SMG1: variants seen among roughly 807,000 people sequenced by gnomAD.
SMG1 encodes the protein SMG1 nonsense mediated mRNA decay associated PI3K related kinase.
Under a neutral mutation model 419.9 loss-of-function variants are expected in SMG1, and 22 were observed. The observed-to-expected ratio is 0.05, with a 90% CI of 0.04 to 0.07. SMG1 has a LOEUF of 0.07. Ranked by LOEUF, SMG1 falls within the 10% of genes least tolerant of loss-of-function variation. The probability of loss-of-function intolerance (pLI) is 1.00; values close to 1 mark genes in which losing one functional copy is unlikely to be tolerated. For missense variants in SMG1, 3,185 were observed against 4,342.0 expected (o/e 0.73, Z 7.49); for synonymous variants, 1,538 against 1,553.5 (o/e 0.99, Z 0.23).
chr16:18,829,569 C>T lies in SMG1; in HGVS notation c.9320G>A (p.Cys3107Tyr). 1.9e-6 allele frequency: 3 copies of T among 1,614,046 alleles called. No homozygotes were observed. Among genetic ancestry groups the T allele is most frequent in the East Asian group, 2.2e-5 (1 of 44,890 alleles). Residue 3107 changes from cysteine to tyrosine, a missense_variant, in exon 54 of 63, where the codon TGC becomes TAC. Around this residue, in one of 27 missense-constraint regions of SMG1, gnomAD observed 737 missense variants for 846.6 expected, o/e 0.87. Transcript: ENST00000446231. ...LPNQALGLTL[C>Y]SFISALGVDI... Reference sequence around the variant, plus strand: ...TACACCCAGAGCACTGATAAAACTGCACAGTGTGAGTCCGAGGGCTTGGTT... The same window carrying T: ...TACACCCAGAGCACTGATAAAACTGTACAGTGTGAGTCCGAGGGCTTGGTT...
At chr16:18,832,291 C>T (rs1345694753) in intron 51 of SMG1, among the ~76,000 whole-genome samples, 2 of 152,212 alleles carry the variant, frequency 1.3e-5, no homozygotes, top group Admixed American at 6.5e-5. Flanking sequence ...TGCATGTCTG[C>T]AGGAACTGCC....
intron 1 of SMG1, among the ~76,000 whole-genome samples, chr16:18,907,284 A>C (rs931726165): frequency 3.3e-5 from 5 of 152,130 alleles, no homozygotes; most frequent in African/African-American, 1.2e-4. Flanking sequence ...CCATCTCAAA[A>C]AAAAAAAAAT....
chr16:18,903,496 T>A (rs1279371740), intron 1 of SMG1, among the ~76,000 whole-genome samples: 3 of 152,186 alleles, frequency 2.0e-5, no homozygotes, highest in African/African-American at 7.2e-5. Flanking sequence ...CCACTACCAG[T>A]GGATGACCTT....
chr16:18,900,172 A>G (rs1185482578), intron 1 of SMG1: 1 of 533,352 alleles, frequency 1.9e-6, no homozygotes, highest in Non-Finnish European at 3.3e-6. Flanking sequence ...GGGTTCATAC[A>G]TTAAAGCAAA....
At position 18,851,324 on chromosome 16, in the gene SMG1, G is replaced by C. The variant is rs534404847; in HGVS notation, c.5052+743C>G. ...ACGGAACTCTGAAGGGAGAGAGTGT[G>C]AATTATACAGATCATCTAGTCCATT... is the stretch of plus-strand genomic sequence containing the variant. On this transcript the variant is annotated intron_variant, in intron 33 of 62. Transcript: ENST00000446231. Among the ~76,000 whole-genome samples, 19 of 152,318 alleles carry C rather than the reference G, an allele frequency of 1.2e-4. No homozygotes were observed. The South Asian group carries it at 1.7e-3, about 13-fold the overall frequency.
intron 1 of SMG1, chr16:18,925,466 G>A (rs2142054520): frequency 6.5e-6 from 1 of 154,290 alleles, no homozygotes; most frequent in East Asian, 1.9e-4. Context: ...GCCTTAGCTG[G>A]AGTTTTGTTT....
chr16:18,916,711 G>T (rs903346419), intron 1 of SMG1, among the ~76,000 whole-genome samples: 4 of 151,798 alleles, frequency 2.6e-5, no homozygotes, highest in African/African-American at 9.7e-5. Flanking sequence ...TATACAAGGG[G>T]AAGTATGTTT....
Position 18,868,372 on chromosome 16 carries a change from G to C in SMG1, c.3031-18C>G. The stretch of plus-strand genomic sequence containing the variant: ...CTAATGACCTTTACGATAAGAGAAA[G>C]AAAAGCTCAGGACTGGTTCAATTTG... On this transcript the variant is annotated intron_variant, in intron 21 of 62. Coordinates refer to ENST00000446231, the MANE Select transcript of SMG1 (RefSeq NM_015092.5). 1 of 1,183,180 alleles carries C rather than the reference G, an allele frequency of 8.5e-7. No homozygotes were observed. Among genetic ancestry groups the C allele is most frequent in the South Asian group, 1.3e-5 (1 of 74,996 alleles). The allele number at this position is 1,183,180 out of a possible 1,614,324, so 73.3% of individuals were successfully genotyped here. A position where few individuals can be genotyped will look rare whatever the true frequency, so the allele number is the denominator to read the frequency against.
chr16:18,821,221 C>CTTTTTTTTTTTTTTTTTTTTT (rs869238782), intron 55 of SMG1, among the ~76,000 whole-genome samples: 48 of 35,594 alleles, frequency 1.3e-3, no homozygotes, highest in East Asian at 3.0e-3. Flanking sequence ...TAGTATGTTT[C>CTTTTTTTTTTTTTTTTTTTTT]TTTTTTTTTT....
At chr16:18,853,148 C>T (rs1243138561) in intron 31 of SMG1, among the ~76,000 whole-genome samples, 2 of 152,222 alleles carry the variant, frequency 1.3e-5, no homozygotes, top group Non-Finnish European at 2.9e-5. Flanking sequence ...ACAACAGGCA[C>T]TCAAACATGG....
chr16:18,845,486 T>C lies in SMG1; in HGVS notation c.6162A>G (p.Lys2054=), dbSNP rs181451781. Residue 2054 remains lysine (K), a synonymous_variant, in exon 39 of 63, where the codon AAA becomes AAG. Coordinates refer to ENST00000446231, the MANE Select transcript of SMG1 (RefSeq NM_015092.5). ...YGDAIENALE[K]LKTPLNPAKP... Reference sequence around the variant, plus strand: ...TTGCAGGGTTCAATGGAGTCTTCAGTTTTTCTAGGGCATTTTCAATGGCAT... The same window carrying C: ...TTGCAGGGTTCAATGGAGTCTTCAGCTTTTCTAGGGCATTTTCAATGGCAT... The C allele has an allele frequency of 3.3e-5, 53 of 1,613,960 alleles. 1 individual carries two copies. In the Admixed American group the frequency reaches 8.8e-4, roughly 27 times the overall value.
chr16:18,884,529 ATC>A (rs1017573770), intron 8 of SMG1, among the ~76,000 whole-genome samples: 11 of 152,178 alleles, frequency 7.2e-5, no homozygotes, highest in Non-Finnish European at 5.9e-5. Flanking sequence ...GTGTATACTC[ATC>A]TCCTCAGTGA....
intron 45 of SMG1, 108 bp from the exon 46 acceptor site, chr16:18,837,551 A>G: frequency 1.1e-6 from 1 of 939,016 alleles, no homozygotes. Flanking sequence ...ACAAAACCCG[A>G]AAGGGGTGAT....
At chr16:18,819,368 T>TC in intron 56 of SMG1, 134 bp downstream of exon 56, 2 of 867,784 alleles carry the variant, frequency 2.3e-6, no homozygotes, top group Non-Finnish European at 3.5e-6. Context: ...GAAAGGCCCA[T>TC]CCGTCCCTCC....
chr16:18,879,009 CAA>C, intron 11 of SMG1: 1 of 200,196 alleles, frequency 5.0e-6, no homozygotes, highest in Non-Finnish European at 1.0e-5. Context: ...GACCCTGTCT[CAA>C]AAAAAAATTG....
At chr16:18,887,408 T>C (rs1449107783) in intron 6 of SMG1, among the ~76,000 whole-genome samples, 3 of 151,718 alleles carry the variant, frequency 2.0e-5, no homozygotes, top group Non-Finnish European at 2.9e-5. Flanking sequence ...AGCTTGACCA[T>C]AGCTCACTGT....
intron 24 of SMG1, 43 bp downstream of exon 24, chr16:18,863,959 A>T: frequency 6.4e-7 from 1 of 1,552,234 alleles, no homozygotes. Flanking sequence ...TACGAAATAT[A>T]TTACTATAAC....
intron 9 of SMG1, among the ~76,000 whole-genome samples, chr16:18,883,591 T>C (rs1178270595): frequency 2.0e-5 from 3 of 152,242 alleles, no homozygotes; most frequent in Admixed American, 6.5e-5. Flanking sequence ...TCTCCAGTAA[T>C]TCTCCTGGTA....
chr16:18,854,634 A>T, intron 30 of SMG1, 22 bp downstream of exon 30: 1 of 1,599,222 alleles, frequency 6.3e-7, no homozygotes, highest in Non-Finnish European at 8.5e-7. Flanking sequence ...CTCATGTATT[A>T]ACCATAATTA....
Sources: gnomAD v4.1 joint callset for allele counts (sites outside exome capture counted in the v4.1 genomes callset) on GRCh38, gnomAD v4.1.1 for gene constraint, gnomAD v4.1.1 regional missense constraint, MANE v1.5 for transcripts, NCBI Gene and HGNC (gene_info 2026-07-23, HGNC 2026-07-21) for gene names.